PLD5: variants seen among roughly 807,000 people sequenced by gnomAD.
PLD5 encodes the protein phospholipase D family member 5.
A neutral mutation model predicts 61.1 loss-of-function variants in PLD5; 36 were observed. The observed-to-expected ratio is 0.59, with a 90% CI of 0.45 to 0.78. The LOEUF is 0.78. Among genes scored for constraint, PLD5 ranks in the 30% least tolerant of loss-of-function variants. The pLI is 0.00. For missense variants in PLD5, 515 were observed against 644.4 expected, an observed-to-expected ratio of 0.80 and a Z score of 2.17; for synonymous variants, 243 against 242.8, an observed-to-expected ratio of 1.00 and a Z score of -0.01.
chr1:242,529,778 T>TCTTCCTCC, the PLD5 span, among the ~76,000 whole-genome samples: 63 of 129,872 alleles, frequency 4.9e-4, no homozygotes, highest in African/African-American at 1.8e-3. Context: ...GGCACTGGGA[T>TCTTCCTCC]CTTCCTTCCT....
chr1:242,162,044 T>C (rs1665879940), intron 5 of PLD5, among the ~76,000 whole-genome samples: 1 of 152,088 alleles, frequency 6.6e-6, no homozygotes, highest in Non-Finnish European at 1.5e-5. Flanking sequence ...GGCAACAAAA[T>C]AAATATTTGG....
At chr1:242,520,788 C>G (rs1045390100) in intron 1 of PLD5, among the ~76,000 whole-genome samples, 1 of 152,144 alleles carries the variant, frequency 6.6e-6, no homozygotes, top group Non-Finnish European at 1.5e-5. Flanking sequence ...TGGTTACCTC[C>G]AAAGCAACCC....
At position 242,145,346 on chromosome 1, in the gene PLD5, T is replaced by G. The variant is rs150593754; in HGVS notation, c.736-20681A>C. On this transcript the variant is annotated intron_variant, in intron 5 of 9. Coordinates refer to ENST00000536534, the MANE Select transcript of PLD5 (RefSeq NM_001372062.1). ...GGCTCTTCAGGATGTTATTAGCACATTTGTCTATTAATATATGTCCCTCAT... is the reference window on the plus strand; with the variant it reads ...GGCTCTTCAGGATGTTATTAGCACAGTTGTCTATTAATATATGTCCCTCAT... Among the ~76,000 whole-genome samples the G allele has an allele frequency of 2.6e-5, 4 of 152,348 alleles. No individual in the cohort carries two copies. In the East Asian group the frequency reaches 7.7e-4, roughly 29 times the overall value.
chr1:242,371,671 G>C (rs1661640411), intron 1 of PLD5, among the ~76,000 whole-genome samples: 1 of 151,890 alleles, frequency 6.6e-6, no homozygotes, highest in Admixed American at 6.6e-5. Flanking sequence ...CCCAATCCAG[G>C]GCAGAGCTTG....
chr1:242,486,551 T>C (rs1667968022), intron 1 of PLD5, among the ~76,000 whole-genome samples: 1 of 152,056 alleles, frequency 6.6e-6, no homozygotes, highest in Non-Finnish European at 1.5e-5. Flanking sequence ...AAATAAAAAC[T>C]CAGGAAACAA....
At chr1:242,320,731 C>T (rs1244020724) in intron 2 of PLD5, among the ~76,000 whole-genome samples, 1 of 152,146 alleles carries the variant, frequency 6.6e-6, no homozygotes, top group Non-Finnish European at 1.5e-5. Context: ...ACCTCGGTGA[C>T]CAGTGGGAGT....
intron 1 of PLD5, among the ~76,000 whole-genome samples, chr1:242,510,242 G>A (rs997194972): frequency 2.6e-5 from 4 of 151,964 alleles, no homozygotes; most frequent in East Asian, 3.9e-4. Context: ...AAAAAAGGTC[G>A]GAAAATAATG....
intron 1 of PLD5, among the ~76,000 whole-genome samples, chr1:242,452,458 T>A (rs933446332): frequency 6.6e-6 from 1 of 151,868 alleles, no homozygotes; most frequent in Non-Finnish European, 1.5e-5. Context: ...TTCTGGAGAG[T>A]GAGAAGCAGG....
chr1:242,128,406 C>T (rs1443636731), intron 5 of PLD5, among the ~76,000 whole-genome samples: 1 of 138,524 alleles, frequency 7.2e-6, no homozygotes, highest in Non-Finnish European at 1.5e-5. Context: ...GCCCTCTCTA[C>T]TGAGGCTGGG....
chr1:242,148,356 C>T (rs1481225822), intron 5 of PLD5, among the ~76,000 whole-genome samples: 3 of 151,048 alleles, frequency 2.0e-5, no homozygotes, highest in Non-Finnish European at 4.4e-5. Flanking sequence ...GTCCATATGC[C>T]TATTCTTTCT....
At chr1:242,452,464 G>A (rs1184721859) in intron 1 of PLD5, among the ~76,000 whole-genome samples, 2 of 152,072 alleles carry the variant, frequency 1.3e-5, no homozygotes, top group Non-Finnish European at 2.9e-5. Flanking sequence ...AGAGTGAGAA[G>A]CAGGAAAAAA....
At chr1:242,377,664 A>ATAAC (rs2149252430) in intron 1 of PLD5, among the ~76,000 whole-genome samples, 1 of 152,300 alleles carries the variant, frequency 6.6e-6, no homozygotes, top group South Asian at 2.1e-4. Flanking sequence ...AAATAAATAA[A>ATAAC]TAAAACAAAC....
intron 1 of PLD5, among the ~76,000 whole-genome samples, chr1:242,404,515 A>C (rs1355284545): frequency 6.6e-6 from 1 of 151,908 alleles, no homozygotes; most frequent in Non-Finnish European, 1.5e-5. Context: ...GCCAGACAGG[A>C]GGTAGGGAGG....
chr1:242,304,371 T>A (rs1676228731), intron 2 of PLD5, among the ~76,000 whole-genome samples: 1 of 152,236 alleles, frequency 6.6e-6, no homozygotes, highest in African/African-American at 2.4e-5. Context: ...GCGATCAGCA[T>A]CATCTGGCCA....
chr1:242,359,980 CAGAA>C (rs1475097539), intron 1 of PLD5, among the ~76,000 whole-genome samples: 2 of 152,000 alleles, frequency 1.3e-5, no homozygotes, highest in African/African-American at 2.4e-5. Flanking sequence ...AGAAATAAGA[CAGAA>C]AGAGAGAAGG....
intron 7 of PLD5, among the ~76,000 whole-genome samples, chr1:242,110,790 C>CA (rs1661420786): frequency 6.6e-6 from 1 of 151,234 alleles, no homozygotes; most frequent in Admixed American, 6.6e-5. Context: ...GCCTGGGCGA[C>CA]AAGAGCAAAA....
intron 5 of PLD5, among the ~76,000 whole-genome samples, chr1:242,167,712 C>A (rs1038377984): frequency 3.9e-5 from 6 of 152,180 alleles, no homozygotes; most frequent in African/African-American, 1.4e-4. Flanking sequence ...CAATAAGGCA[C>A]AGAGAGGTAC....
intron 3 of PLD5, among the ~76,000 whole-genome samples, chr1:242,273,758 A>G (rs934168698): frequency 1.3e-5 from 2 of 152,248 alleles, no homozygotes; most frequent in Admixed American, 6.5e-5. Context: ...GTGTACTTAT[A>G]AGAGATGGGC....
chr1:242,474,785 C>G (rs1453962038), intron 1 of PLD5, among the ~76,000 whole-genome samples: 2 of 152,166 alleles, frequency 1.3e-5, no homozygotes, highest in Non-Finnish European at 2.9e-5. Flanking sequence ...ATCCATCACA[C>G]AGGTTCCTAA....
Sources: allele counts gnomAD v4.1 joint callset (sites outside exome capture counted in the v4.1 genomes callset), GRCh38; gene constraint gnomAD v4.1.1; transcripts MANE v1.5; gene names NCBI Gene and HGNC (gene_info 2026-07-23, HGNC 2026-07-21).